The following EFHD2 variants were observed in gnomAD, a reference collection of about 807,000 sequenced individuals.
The protein encoded by EFHD2 is EF-hand domain-containing protein D2.
In EFHD2, 12 loss-of-function variants were observed where a neutral mutation model predicts 20.3. The ratio of observed to expected loss-of-function variants is 0.59; its 90% CI spans 0.38 to 0.96. The LOEUF (loss-of-function observed/expected upper bound fraction) is 0.96. Among genes scored for constraint, EFHD2 ranks in the 40% least tolerant of loss-of-function variants. The pLI is 0.00. For synonymous variants in EFHD2, 131 were observed against 143.9 expected (o/e 0.91, Z 0.64); for missense variants, 250 against 334.3 (o/e 0.75, Z 1.97).
chr1:15,410,866 G>A (rs1217248602), intron 1 of EFHD2, among the ~76,000 whole-genome samples: 2 of 152,022 alleles, frequency 1.3e-5, no homozygotes, highest in Non-Finnish European at 2.9e-5. Context: ...CTCAAGGTGG[G>A]TTCTGGGCAG....
Position 15,428,785 on chromosome 1 carries a change from G to C in EFHD2, c.*61G>C. 6.5e-7 allele frequency: 1 copy of C among 1,547,654 alleles called. No individual in the cohort carries two copies. The highest frequency in any genetic ancestry group is 8.7e-7 in the Non-Finnish European group (1 of 1,145,656). On this transcript the variant is annotated 3_prime_UTR_variant, in exon 4 of 4. Coordinates refer to ENST00000375980, the MANE Select transcript of EFHD2 (RefSeq NM_024329.6). ...GTGTGGTGGGCGAGGGTGGCGCATG[G>C]GAGGCCGAGCCTGAATCCTTGCCTG...
intron 1 of EFHD2, among the ~76,000 whole-genome samples, chr1:15,412,254 T>A (rs1707543042): frequency 6.6e-6 from 1 of 151,754 alleles, no homozygotes; most frequent in Non-Finnish European, 1.5e-5. Flanking sequence ...TGGGTATGGA[T>A]CACTGTCTGT....
At chr1:15,412,441 T>C (rs1364945807) in intron 1 of EFHD2, among the ~76,000 whole-genome samples, 2 of 152,212 alleles carry the variant, frequency 1.3e-5, no homozygotes, top group African/African-American at 2.4e-5. Context: ...TAGAAAATGA[T>C]AGAGCCAGGA....
intron 1 of EFHD2, among the ~76,000 whole-genome samples, chr1:15,416,559 C>A (rs1329031764): frequency 6.6e-6 from 1 of 152,212 alleles, no homozygotes; most frequent in Non-Finnish European, 1.5e-5. Flanking sequence ...GCCTCCCGTT[C>A]AGTCCTTTCT....
chr1:15,428,606 A>C lies in EFHD2; in HGVS notation c.605A>C (p.Asn202Thr). ...ATGCCCCCGCAGGTCCAGGCCATCA[A>C]CGTGTCCAGCCGCTTCGAGGAGGAG... ...SFFEAKVQAI[N>T]VSSRFEEEIK... The change falls in exon 4 of 4, where the codon AAC (asparagine) becomes ACC (threonine). Residue 202 changes from asparagine to threonine, a missense_variant. Asn to Thr is a moderately conservative substitution (Grantham distance 65). Transcript: ENST00000375980. 1 of 1,611,156 alleles carries C rather than the reference A, an allele frequency of 6.2e-7. No homozygotes were observed. The highest frequency in any genetic ancestry group is 8.5e-7 in the Non-Finnish European group (1 of 1,179,028).
rs142877697 is a variant in EFHD2, at chr1:15,410,192, C to A, written c.221C>A (p.Ser74Ter). The A allele has an allele frequency of 3.1e-6, 5 of 1,605,564 alleles. No homozygotes were observed. The highest frequency in any genetic ancestry group is 1.4e-5 in the African/African-American group (1 of 73,564). The change falls in exon 1 of 4, where the codon TCG becomes TAG. Residue 74 changes from serine to a stop codon, truncating the protein, a stop_gained. Coordinates refer to ENST00000375980, the MANE Select transcript of EFHD2 (RefSeq NM_024329.6). LOFTEE classifies it high-confidence loss of function. Reference protein sequence around the residue: ...DLNQGIGEPQSPSRRVFNPYT... With the variant: ...DLNQGIGEPQ ...AACCAGGGCATCGGCGAGCCCCAGT[C>A]GCCCAGCCGCCGCGTCTTCAACCCC...
At chr1:15,415,147 G>A (rs953670940) in intron 1 of EFHD2, among the ~76,000 whole-genome samples, 4 of 152,132 alleles carry the variant, frequency 2.6e-5, no homozygotes, top group Admixed American at 2.0e-4. Context: ...AAGTTTTTGC[G>A]CTACAAGATC....
At position 15,429,110 on chromosome 1, in the gene EFHD2, C is replaced by T. The variant is rs1031246645; in HGVS notation, c.*386C>T. 2 of 216,824 alleles carry T rather than the reference C, an allele frequency of 9.2e-6. No individual in the cohort carries two copies. Among genetic ancestry groups the T allele is most frequent in the Non-Finnish European group, 1.9e-5 (2 of 106,382 alleles). 13.4% of individuals were successfully genotyped at this position (216,824 alleles called of 1,614,324 possible). A position where few individuals can be genotyped will look rare whatever the true frequency, so the allele number is the denominator to read the frequency against. On this transcript the variant is annotated 3_prime_UTR_variant, in exon 4 of 4. Transcript: ENST00000375980. ...CATCCCTGTCCCCCCAACCCGGGAA[C>T]CCCTGCCCTCCTCCAGCAGGCCGCA...
intron 1 of EFHD2, among the ~76,000 whole-genome samples, chr1:15,424,501 G>A (rs1411198910): frequency 6.6e-6 from 1 of 152,180 alleles, no homozygotes; most frequent in Non-Finnish European, 1.5e-5. Flanking sequence ...AAGAGAACCT[G>A]AGAGTGCAGG....
intron 1 of EFHD2, among the ~76,000 whole-genome samples, chr1:15,411,259 G>T (rs1190848593): frequency 6.6e-6 from 1 of 151,678 alleles, no homozygotes; most frequent in Non-Finnish European, 1.5e-5. Flanking sequence ...GTCAAAAGGG[G>T]CCCCTTCCTA....
In EFHD2 at chr1:15,427,137, C is replaced by G. The variant is rs770939312; in HGVS notation, c.457-13C>G. The G allele has an allele frequency of 3.1e-6, 5 of 1,610,714 alleles. No individual in the cohort carries two copies. The highest frequency in any genetic ancestry group is 4.2e-6 in the Non-Finnish European group (5 of 1,178,548). ...TCCCTTCCTGACACCGCGCGCCTCC[C>G]TCCCCGCTGCAGTTCCTCCTGATCT... On this transcript the variant is annotated splice_polypyrimidine_tract_variant and intron_variant, in intron 2 of 3. Coordinates refer to ENST00000375980, the MANE Select transcript of EFHD2 (RefSeq NM_024329.6).
At position 15,410,163 on chromosome 1, in the gene EFHD2, C is replaced by A. The variant is rs1182660063; in HGVS notation, c.192C>A (p.Asp64Glu). 1 of 1,603,744 alleles carries A rather than the reference C, an allele frequency of 6.2e-7. No individual in the cohort carries two copies. The highest frequency in any genetic ancestry group is 1.1e-5 in the South Asian group (1 of 89,802). The change falls in exon 1 of 4, where the codon GAC (aspartate) becomes GAA (glutamate). Residue 64 changes from aspartate to glutamate, a missense_variant. Coordinates refer to ENST00000375980, the MANE Select transcript of EFHD2 (RefSeq NM_024329.6). Reference sequence around the variant, plus strand: ...GCGCCAAGCTGCTGCGGCGCGCAGACCTCAACCAGGGCATCGGCGAGCCCC... The same window carrying A: ...GCGCCAAGCTGCTGCGGCGCGCAGAACTCAACCAGGGCATCGGCGAGCCCC... ...ELSAKLLRRA[D>E]LNQGIGEPQS... is the part of the protein sequence containing the mutation.
At chr1:15,427,419 G>A in intron 3 of EFHD2, 135 bp downstream of exon 3, 3 of 1,436,284 alleles carry the variant, frequency 2.1e-6, no homozygotes, top group Non-Finnish European at 2.8e-6. Context: ...TGCCAGGCTG[G>A]GCCAGGCCCA....
In EFHD2 at chr1:15,410,285, T is replaced by C. The variant is rs1707450593; in HGVS notation, c.308+6T>C. On this transcript the variant is annotated splice_donor_region_variant and intron_variant, in intron 1 of 3. Coordinates refer to ENST00000375980, the MANE Select transcript of EFHD2 (RefSeq NM_024329.6). ...ATGGAGAAGATGTTCAAGCAGTAAG[T>C]GCCCGCGCGACCCGGCCCCCCGCCC... 1 of 1,588,892 alleles carries C rather than the reference T, an allele frequency of 6.3e-7. No homozygotes were observed. Among genetic ancestry groups the C allele is most frequent in the African/African-American group, 1.4e-5 (1 of 71,848 alleles).
At chr1:15,418,514 C>G (rs1476428363) in intron 1 of EFHD2, among the ~76,000 whole-genome samples, 2 of 150,800 alleles carry the variant, frequency 1.3e-5, no homozygotes, top group East Asian at 2.0e-4. Context: ...ACCGTGTTAG[C>G]CAGGATGGTC....
intron 1 of EFHD2, among the ~76,000 whole-genome samples, chr1:15,423,293 C>T (rs1420319932): frequency 6.6e-6 from 1 of 152,206 alleles, no homozygotes; most frequent in Non-Finnish European, 1.5e-5. Flanking sequence ...CACCCCAACC[C>T]TCATCCATCA....
chr1:15,420,216 A>G (rs1485378175), intron 1 of EFHD2, among the ~76,000 whole-genome samples: 4 of 152,222 alleles, frequency 2.6e-5, no homozygotes, highest in Non-Finnish European at 5.9e-5. Flanking sequence ...TATGATGTGC[A>G]TATGTGACAC....
Position 15,427,143 on chromosome 1 carries a change from G to T in EFHD2, c.457-7G>T, listed in dbSNP as rs200619733. The T allele has an allele frequency of 3.7e-6, 6 of 1,611,080 alleles. No homozygotes were observed. Among genetic ancestry groups the T allele is most frequent in the Non-Finnish European group, 5.1e-6 (6 of 1,178,764 alleles). On this transcript the variant is annotated splice_polypyrimidine_tract_variant and splice_region_variant and intron_variant, in intron 2 of 3. Coordinates refer to ENST00000375980, the MANE Select transcript of EFHD2 (RefSeq NM_024329.6). The stretch of plus-strand genomic sequence containing the variant: ...CCTGACACCGCGCGCCTCCCTCCCC[G>T]CTGCAGTTCCTCCTGATCTTCCGCA...
At chr1:15,418,378 T>C (rs2103273940) in intron 1 of EFHD2, among the ~76,000 whole-genome samples, 1 of 138,156 alleles carries the variant, frequency 7.2e-6, no homozygotes, top group Non-Finnish European at 1.5e-5. Context: ...CGATCTCGGC[T>C]CACTGCAAGC....
Sources: gnomAD v4.1 joint callset for allele counts (sites outside exome capture counted in the v4.1 genomes callset) on GRCh38, gnomAD v4.1.1 for gene constraint, MANE v1.5 for transcripts, NCBI Gene and HGNC (gene_info 2026-07-23, HGNC 2026-07-21) for gene names.